The following INTU variants were observed in gnomAD, a reference collection of about 807,000 sequenced individuals.
INTU encodes the protein inturned planar cell polarity protein.
In INTU, 68 loss-of-function variants were observed where a neutral mutation model predicts 100.5. The ratio of observed to expected loss-of-function variants is 0.68; its 90% CI spans 0.56 to 0.83. The LOEUF (loss-of-function observed/expected upper bound fraction) is 0.83. Among genes scored for constraint, INTU ranks in the 40% least tolerant of loss-of-function variants. The pLI is 0.00. For missense variants in INTU, 1,071 were observed against 1,114.7 expected (o/e 0.96, Z 0.56); for synonymous variants, 357 against 395.7 (o/e 0.90, Z 1.16).
intron 2 of INTU, among the ~76,000 whole-genome samples, chr4:127,646,012 G>A (rs1214951375): frequency 1.3e-5 from 2 of 151,774 alleles, no homozygotes; most frequent in Non-Finnish European, 2.9e-5. Context: ...GCAAGACCCC[G>A]TGTCTACTAA....
chr4:127,680,265 T>C (rs1424762160), intron 6 of INTU, among the ~76,000 whole-genome samples: 1 of 151,976 alleles, frequency 6.6e-6, no homozygotes. Context: ...GAGGCCAGCA[T>C]CATCCTGATA....
At chr4:127,637,764 A>T (rs1727137664) in intron 1 of INTU, among the ~76,000 whole-genome samples, 1 of 152,216 alleles carries the variant, frequency 6.6e-6, no homozygotes, top group Non-Finnish European at 1.5e-5. Flanking sequence ...TGCCAGGGTT[A>T]GATTGTATCA....
intron 2 of INTU, among the ~76,000 whole-genome samples, chr4:127,648,713 TG>T (rs1322912063): frequency 4.6e-5 from 7 of 152,238 alleles, no homozygotes; most frequent in Non-Finnish European, 1.0e-4. Context: ...ACAGCTATAC[TG>T]TGTCCATCAT....
chr4:127,705,784 G>C lies in INTU; in HGVS notation c.1760G>C (p.Gly587Ala). 1 of 1,613,954 alleles carries C rather than the reference G, an allele frequency of 6.2e-7. No homozygotes were observed. Among genetic ancestry groups the C allele is most frequent in the Non-Finnish European group, 8.5e-7 (1 of 1,179,894 alleles). ...SSTEVFPEPEGRYFLLVVGLK... is the reference protein window; with the variant it reads ...SSTEVFPEPEARYFLLVVGLK... ...ACTGAAGTCTTTCCGGAACCTGAAGGAAGATATTTTTTGCTAGTTGTTGGC... is the reference window on the plus strand; with the variant it reads ...ACTGAAGTCTTTCCGGAACCTGAAGCAAGATATTTTTTGCTAGTTGTTGGC... Residue 587 changes from glycine (G) to alanine (A), a missense_variant, in exon 11 of 16, where the codon GGA (glycine) becomes GCA (alanine). Transcript: ENST00000335251.
intron 2 of INTU, among the ~76,000 whole-genome samples, chr4:127,656,085 A>G (rs1232193676): frequency 3.3e-5 from 5 of 152,138 alleles, no homozygotes; most frequent in Non-Finnish European, 7.4e-5. Context: ...TTTGGCTTGC[A>G]CACGGTGTGC....
chr4:127,661,608 C>T (rs1256318444), intron 3 of INTU, among the ~76,000 whole-genome samples: 2 of 152,156 alleles, frequency 1.3e-5, no homozygotes, highest in Non-Finnish European at 2.9e-5. Flanking sequence ...CACATCTCCA[C>T]TCAGAGCTCC....
In INTU at chr4:127,724,401, C is replaced by T. The variant is rs1485533881; in HGVS notation, c.*7965C>T. ...CACCACCGCACTTCTGCCTGTGGAA[C>T]AGAATGAGACTCCGTCTCAAAAAAA... On this transcript the variant is annotated 3_prime_UTR_variant, in exon 16 of 16. Coordinates refer to ENST00000335251, the MANE Select transcript of INTU (RefSeq NM_015693.4). 3 of 140,330 alleles carry T rather than the reference C, an allele frequency of 2.1e-5. No individual in the cohort carries two copies. Among genetic ancestry groups the T allele is most frequent in the Admixed American group, 7.6e-5 (1 of 13,162 alleles). 8.7% of individuals were successfully genotyped at this position (140,330 alleles called of 1,614,324 possible). A position where few individuals can be genotyped will look rare whatever the true frequency, so the allele number is the denominator to read the frequency against.
intron 1 of INTU, among the ~76,000 whole-genome samples, chr4:127,635,682 A>G (rs1727036143): frequency 6.6e-6 from 1 of 152,212 alleles, no homozygotes; most frequent in Admixed American, 6.5e-5. Flanking sequence ...AGGATAATTT[A>G]TATACAAAAA....
At chr4:127,676,102 C>G in intron 6 of INTU, 1 of 169,688 alleles carries the variant, frequency 5.9e-6, no homozygotes, top group African/African-American at 2.4e-5. Context: ...ATATAATCCA[C>G]CATAAATGTG....
intron 8 of INTU, among the ~76,000 whole-genome samples, chr4:127,690,457 T>A (rs1423467056): frequency 6.6e-6 from 1 of 152,132 alleles, no homozygotes; most frequent in African/African-American, 2.4e-5. Flanking sequence ...CTTTGCAGAA[T>A]CCAGAAAAAC....
rs1381105720 is a variant in INTU, at chr4:127,725,034, C to T, written c.*8598C>T. On this transcript the variant is annotated 3_prime_UTR_variant, in exon 16 of 16. Transcript: ENST00000335251. ...GGCACAGTTGCTCACACCTGTAACTCCAGCACTTTGGAAGGCTGAGGCAGG... is the reference window on the plus strand; with the variant it reads ...GGCACAGTTGCTCACACCTGTAACTTCAGCACTTTGGAAGGCTGAGGCAGG... 1 of 151,622 alleles carries T rather than the reference C, an allele frequency of 6.6e-6. No individual in the cohort carries two copies. Among genetic ancestry groups the T allele is most frequent in the African/African-American group, 2.4e-5 (1 of 41,194 alleles). The allele number at this position is 151,622 out of a possible 1,614,324, so 9.4% of individuals were successfully genotyped here. A position where few individuals can be genotyped will look rare whatever the true frequency, so the allele number is the denominator to read the frequency against.
At chr4:127,654,806 C>T (rs1338902928) in intron 2 of INTU, among the ~76,000 whole-genome samples, 8 of 146,392 alleles carry the variant, frequency 5.5e-5, no homozygotes, top group African/African-American at 1.0e-4. Flanking sequence ...TGGATAATAT[C>T]CTGCAGAGTG....
intron 9 of INTU, 29 bp downstream of exon 9, chr4:127,700,092 G>T: frequency 6.5e-7 from 1 of 1,533,650 alleles, no homozygotes; most frequent in South Asian, 1.2e-5. Flanking sequence ...TTTATAAAAG[G>T]CTCAATGTTG....
At chr4:127,662,003 C>T (rs1248022432) in intron 3 of INTU, among the ~76,000 whole-genome samples, 2 of 151,870 alleles carry the variant, frequency 1.3e-5, no homozygotes, top group Non-Finnish European at 2.9e-5. Flanking sequence ...TGGTAGGTAC[C>T]TCATTTTATT....
At chr4:127,646,387 G>C (rs1727590045) in intron 2 of INTU, among the ~76,000 whole-genome samples, 1 of 152,168 alleles carries the variant, frequency 6.6e-6, no homozygotes, top group South Asian at 2.1e-4. Context: ...CCTTTCAGTG[G>C]TGTTTCCTGT....
At chr4:127,654,168 CTT>C (rs1010665157) in intron 2 of INTU, among the ~76,000 whole-genome samples, 1 of 151,344 alleles carries the variant, frequency 6.6e-6, no homozygotes, top group African/African-American at 2.4e-5. Context: ...GGTCTTGACT[CTT>C]TATCCAATTT....
rs1233106264 is a variant in INTU at position 127,711,033 on chromosome 4, G to C, written c.2490G>C (p.Gln830His). ...VAQLSGSIHPQLIKNFHQCCL... is the reference protein window; with the variant it reads ...VAQLSGSIHPHLIKNFHQCCL... ...AGCTAAGTGGCTCTATCCACCCTCA[G>C]CTAATAAAGAATTTCCATCAGTGTT... Residue 830 changes from glutamine (Q) to histidine (H), a missense_variant, in exon 14 of 16, where the codon CAG becomes CAC. Coordinates refer to ENST00000335251, the MANE Select transcript of INTU (RefSeq NM_015693.4). 3 of 1,609,308 alleles carry C rather than the reference G, an allele frequency of 1.9e-6. No homozygotes were observed. Among genetic ancestry groups the C allele is most frequent in the Non-Finnish European group, 2.5e-6 (3 of 1,176,824 alleles).
intron 6 of INTU, among the ~76,000 whole-genome samples, chr4:127,680,373 G>A (rs1207503133): frequency 9.1e-5 from 13 of 142,224 alleles, no homozygotes; most frequent in Non-Finnish European, 1.4e-4. Context: ...CTGGCAAACC[G>A]AATCCAGCAG....
chr4:127,699,483 T>G (rs1730549836), intron 8 of INTU: 1 of 152,206 alleles, frequency 6.6e-6, no homozygotes, highest in South Asian at 2.1e-4. Context: ...TGACAACCCT[T>G]GAATGCAAAA....
Sources: allele counts gnomAD v4.1 joint callset (sites outside exome capture counted in the v4.1 genomes callset), GRCh38; gene constraint gnomAD v4.1.1; transcripts MANE v1.5; gene names NCBI Gene and HGNC (gene_info 2026-07-23, HGNC 2026-07-21).